The following GLI2 variants were observed in gnomAD, a reference collection of about 807,000 sequenced individuals.
GLI2 encodes transcription activator GLI2.
GLI2 carries 22 observed loss-of-function variants against 78.9 expected under a neutral mutation model. The ratio of observed to expected loss-of-function variants is 0.28; its 90% CI spans 0.20 to 0.40. The LOEUF (loss-of-function observed/expected upper bound fraction) is 0.40. GLI2 is among the 10% of genes least tolerant of loss of function. The pLI is 1.00. For missense variants in GLI2, 2,097 were observed against 2,213.2 expected (o/e 0.95, Z 1.05); for synonymous variants, 974 against 963.7 (o/e 1.01, Z -0.20).
intron 1 of GLI2, among the ~76,000 whole-genome samples, chr2:120,766,346 C>T (rs982272425): frequency 3.3e-5 from 5 of 152,180 alleles, no homozygotes; most frequent in Admixed American, 6.5e-5. Context: ...ATCCACTGGA[C>T]GGAGAGGGCC....
At chr2:120,957,925 ACC>A (rs923538118) in intron 5 of GLI2, among the ~76,000 whole-genome samples, 1 of 152,160 alleles carries the variant, frequency 6.6e-6, no homozygotes, top group Non-Finnish European at 1.5e-5. Context: ...TGTTACCAGC[ACC>A]ATCTGCCCTT....
rs191366080 is a variant in GLI2 at position 120,935,844 on chromosome 2, C to T, written c.254+8378C>T. On this transcript the variant is annotated intron_variant, in intron 3 of 13. Transcript: ENST00000361492. ...TGGCCTGTAAAAGTTTAACGAGGAG[C>T]GTGTGTGATAAGACGGGCTGGTCTT... is the stretch of plus-strand genomic sequence containing the variant. Among the ~76,000 whole-genome samples the T allele has an allele frequency of 7.2e-5, 11 of 152,298 alleles. No homozygotes were observed. In the East Asian group the frequency reaches 2.1e-3, roughly 29 times the overall value.
At chr2:120,887,231 G>C (rs1242662335) in intron 2 of GLI2, among the ~76,000 whole-genome samples, 1 of 152,192 alleles carries the variant, frequency 6.6e-6, no homozygotes, top group Non-Finnish European at 1.5e-5. Flanking sequence ...CCCCCAGCCT[G>C]CTTGTGGGAG....
intron 4 of GLI2, among the ~76,000 whole-genome samples, chr2:120,952,281 G>A (rs1351161070): frequency 2.0e-5 from 3 of 152,184 alleles, no homozygotes; most frequent in Admixed American, 1.3e-4. Flanking sequence ...CAGAATTCAC[G>A]AAGCTAAGAC....
chr2:120,954,284 G>A (rs11122837), intron 4 of GLI2, among the ~76,000 whole-genome samples: 120,568 of 152,128 alleles, frequency 0.79, 52,373 homozygotes, highest in East Asian at 1. Flanking sequence ...GGAAGGTTTT[G>A]AGGGAAGGTG....
intron 2 of GLI2, among the ~76,000 whole-genome samples, chr2:120,807,239 T>C (rs1685001521): frequency 6.6e-6 from 1 of 152,078 alleles, no homozygotes; most frequent in South Asian, 2.1e-4. Context: ...CAGGTGAGGT[T>C]TGAACCCTTG....
chr2:120,908,180 T>C (rs1678639346), intron 2 of GLI2, among the ~76,000 whole-genome samples: 1 of 152,192 alleles, frequency 6.6e-6, no homozygotes, highest in Non-Finnish European at 1.5e-5. Flanking sequence ...GGGGGGCCTG[T>C]CACCCAGGGG....
At chr2:120,978,664 G>A (rs1363672800) in intron 10 of GLI2, 81 bp downstream of exon 10, 9 of 1,479,276 alleles carry the variant, frequency 6.1e-6, no homozygotes, top group Non-Finnish European at 3.7e-6. Flanking sequence ...TTTGGAGGTG[G>A]CTGGCCACAG....
intron 2 of GLI2, among the ~76,000 whole-genome samples, chr2:120,819,857 GA>G (rs1486736589): frequency 6.6e-6 from 1 of 152,210 alleles, no homozygotes; most frequent in Non-Finnish European, 1.5e-5. Context: ...GTCATTTCCA[GA>G]TACTTCATCC....
chr2:120,829,140 C>G (rs138306760), intron 2 of GLI2, among the ~76,000 whole-genome samples: 4 of 152,142 alleles, frequency 2.6e-5, no homozygotes, highest in African/African-American at 9.7e-5. Context: ...ACCATCACCA[C>G]GTGCACACCC....
intron 5 of GLI2, among the ~76,000 whole-genome samples, chr2:120,956,958 T>G (rs1323366362): frequency 6.6e-6 from 1 of 152,042 alleles, no homozygotes; most frequent in African/African-American, 2.4e-5. Flanking sequence ...TCTGGAAGCC[T>G]CCTCCTTCCC....
In GLI2 at chr2:120,955,357, C is replaced by T. The variant is rs777804590; in HGVS notation, c.570C>T (p.Tyr190=). 8.7e-6 allele frequency: 14 copies of T among 1,613,342 alleles called. No homozygotes were observed. In the East Asian group the frequency reaches 8.9e-5, roughly 10 times the overall value. Residue 190 remains tyrosine, a synonymous_variant, in exon 5 of 14, where the codon TAC becomes TAT. Transcript: ENST00000361492. Reference sequence around the variant, plus strand: ...TCGTGGCAGGCCACCCCGCGCCCTACGGGGACCTGCTGATGCAGAGCGGGG... The same window carrying T: ...TCGTGGCAGGCCACCCCGCGCCCTATGGGGACCTGCTGATGCAGAGCGGGG... ...MTLVAGHPAP[Y]GDLLMQSGGA...
chr2:120,901,074 T>C (rs1678229234), intron 2 of GLI2, among the ~76,000 whole-genome samples: 1 of 152,340 alleles, frequency 6.6e-6, no homozygotes. Context: ...AAACAGCTTT[T>C]AAATGTGTAT....
intron 2 of GLI2, among the ~76,000 whole-genome samples, chr2:120,863,421 G>A (rs987888099): frequency 4.6e-5 from 7 of 152,182 alleles, no homozygotes; most frequent in Non-Finnish European, 7.3e-5. Context: ...AATCCACCAC[G>A]GGCCGTCTCT....
rs3223143 is a variant in GLI2 at position 120,945,957 on chromosome 2, TCACA to T, written c.255-5255_255-5252del. ...GCCCTGCCCCTCAGGCATAACCTTCTCACACACACACACACACACACACACACAC... is the reference window on the plus strand; with the variant it reads ...GCCCTGCCCCTCAGGCATAACCTTCTCACACACACACACACACACACACAC... On this transcript the variant is annotated intron_variant, in intron 3 of 13. Transcript: ENST00000361492. Among the ~76,000 whole-genome samples the T allele has an allele frequency of 6.2e-3, 827 of 134,252 alleles. 6 individuals carry two copies. The highest frequency in any genetic ancestry group is 0.025 in the Middle Eastern group (6 of 242). 88.1% of individuals were successfully genotyped at this position (134,252 alleles called of 152,430 possible).
chr2:120,975,124 C>A lies in GLI2; in HGVS notation c.1317+15C>A. 2 of 1,613,174 alleles carry A rather than the reference C, an allele frequency of 1.2e-6. No individual in the cohort carries two copies. Among genetic ancestry groups the A allele is most frequent in the Non-Finnish European group, 8.5e-7 (1 of 1,179,780 alleles). On this transcript the variant is annotated intron_variant, in intron 9 of 13. Transcript: ENST00000361492. ...AGCTGGTGCATGTAAGCTTTTGAAC[C>A]CCAGCAGCCCGCCAACCGGGGCACG...
At chr2:120,889,475 GA>G (rs1376637109) in intron 2 of GLI2, among the ~76,000 whole-genome samples, 1 of 152,194 alleles carries the variant, frequency 6.6e-6, no homozygotes, top group Admixed American at 6.5e-5. Context: ...TAAAAGGAAT[GA>G]TTGACACATT....
chr2:120,743,047 T>C (rs1215396654), intron 1 of GLI2, among the ~76,000 whole-genome samples: 4 of 152,218 alleles, frequency 2.6e-5, no homozygotes, highest in Non-Finnish European at 5.9e-5. Flanking sequence ...TCTGGGAATC[T>C]GCAGCTCACC....
chr2:120,916,038 G>A (rs1048712346), intron 2 of GLI2, among the ~76,000 whole-genome samples: 2 of 152,186 alleles, frequency 1.3e-5, no homozygotes, highest in Admixed American at 6.5e-5. Flanking sequence ...CACAGCAAGT[G>A]TGGAAATGCC....
Sources: allele counts gnomAD v4.1 joint callset (sites outside exome capture counted in the v4.1 genomes callset), GRCh38; gene constraint gnomAD v4.1.1; transcripts MANE v1.5; gene names NCBI Gene and HGNC (gene_info 2026-07-23, HGNC 2026-07-21).